POLG: variants seen among roughly 807,000 people sequenced by gnomAD.
POLG encodes DNA polymerase subunit gamma-1.
Under a neutral mutation model 155.4 loss-of-function variants are expected in POLG, and 110 were observed. The ratio of observed to expected loss-of-function variants is 0.71; its 90% confidence interval spans 0.61 to 0.83. POLG has a LOEUF of 0.83. Among genes scored for constraint, POLG ranks in the 40% least tolerant of loss-of-function variants. The pLI is 0.00. For synonymous variants in POLG, 701 were observed against 631.5 expected (o/e 1.11, Z -1.65); for missense variants, 1,685 against 1,627.5 (o/e 1.04, Z -0.61).
At chr15:89,324,278 CTG>C (rs1567188764) in intron 10 of POLG, 51 bp from the exon 11 acceptor site, 1 of 1,602,160 alleles carries the variant, frequency 6.2e-7, no homozygotes, top group Non-Finnish European at 8.5e-7. Context: ...GATGCCCACT[CTG>C]GGCCAGGCAG....
Position 89,321,861 on chromosome 15 carries a change from G to C in POLG, c.2481-8C>G, listed in dbSNP as rs1274486089. 8 of 1,611,964 alleles carry C rather than the reference G, an allele frequency of 5.0e-6. No individual in the cohort carries two copies. Among genetic ancestry groups the C allele is most frequent in the Non-Finnish European group, 6.8e-6 (8 of 1,178,184 alleles). On this transcript the variant is annotated splice_region_variant and splice_polypyrimidine_tract_variant and intron_variant, in intron 15 of 22. Coordinates refer to ENST00000268124, the MANE Select transcript of POLG (RefSeq NM_002693.3). ...TCATCATAGTCGGGGTGCCTGGTGG[G>C]GTGCAGGGGAAGGAAATGGGTCTTA...
intron 18 of POLG, 26 bp downstream of exon 18, chr15:89,320,740 A>G (rs1211992216): frequency 1.2e-6 from 2 of 1,611,444 alleles, no homozygotes; most frequent in East Asian, 2.2e-5. Context: ...CCTGGGTGTT[A>G]AAGTGGATGG....
In POLG at chr15:89,330,113, G is replaced by C; in HGVS notation, c.823C>G (p.Arg275Gly). ...LVVGHNVSFDRAHIREQYLIQ... is the reference protein window; with the variant it reads ...LVVGHNVSFDGAHIREQYLIQ... ...AGGTACTGCTCCCTGATATGAGCTC[G>C]GTCAAAGGAAACATTGTGCCCCACC... The change falls in exon 3 of 23, where the codon CGA becomes GGA. Residue 275 changes from arginine (R) to glycine (G), a missense_variant. Physicochemically the swap from Arg to Gly is moderately radical, Grantham distance 125. Coordinates refer to ENST00000268124, the MANE Select transcript of POLG (RefSeq NM_002693.3). The C allele has an allele frequency of 6.2e-7, 1 of 1,614,084 alleles. No homozygotes were observed.
intron 10 of POLG, 114 bp downstream of exon 10, chr15:89,325,336 C>A: frequency 1.4e-6 from 1 of 723,504 alleles, no homozygotes; most frequent in Admixed American, 2.1e-5. Context: ...CCTGTTTTCC[C>A]TTCTTCTGAA....
At chr15:89,329,597 T>A (rs868251868) in intron 3 of POLG, among the ~76,000 whole-genome samples, 4 of 152,162 alleles carry the variant, frequency 2.6e-5, no homozygotes, top group African/African-American at 9.7e-5. Context: ...GAAAAAACAC[T>A]TTTCATAAAA....
At chr15:89,318,837 TG>T in intron 20 of POLG, 88 bp from the exon 21 acceptor site, 1 of 1,566,782 alleles carries the variant, frequency 6.4e-7, no homozygotes, top group Non-Finnish European at 8.8e-7. Context: ...AGCTTCACTC[TG>T]GCCCTACCTA....
rs371189501 is a variant in POLG at position 89,323,397 on chromosome 15, G to A, written c.2265+7C>T. The stretch of plus-strand genomic sequence containing the variant: ...CACCACAGGACAGGCCATGACCCAG[G>A]ACACACCTTGTGAGGCAGCTTGAAA... On this transcript the variant is annotated splice_region_variant and intron_variant, in intron 13 of 22. Coordinates refer to ENST00000268124, the MANE Select transcript of POLG (RefSeq NM_002693.3). The A allele has an allele frequency of 3.2e-6, 5 of 1,586,552 alleles. No homozygotes were observed. Among genetic ancestry groups the A allele is most frequent in the Non-Finnish European group, 4.3e-6 (5 of 1,155,070 alleles).
In POLG at chr15:89,333,881, G is replaced by C; in HGVS notation, c.-127C>G. On this transcript the variant is annotated 5_prime_UTR_variant, in exon 2 of 23. Transcript: ENST00000268124. ...GTCTCTGCTCTCCTGTCAGTGAAAT[G>C]GGTTTGACCATGCCTGCCTTCCACC... The C allele has an allele frequency of 8.5e-7, 1 of 1,174,740 alleles. No individual in the cohort carries two copies. The highest frequency in any genetic ancestry group is 1.2e-6 in the Non-Finnish European group (1 of 826,784). The allele number at this position is 1,174,740 out of a possible 1,614,324, so 72.8% of individuals were successfully genotyped here.
At chr15:89,330,345 C>T in intron 2 of POLG, 69 bp from the exon 3 acceptor site, 1 of 1,195,630 alleles carries the variant, frequency 8.4e-7, no homozygotes, top group Non-Finnish European at 1.2e-6. Context: ...ACAACCACTG[C>T]ACACCTACCG....
At chr15:89,323,662 T>C (rs1202963917) in intron 12 of POLG, 151 bp from the exon 13 acceptor site, 12 of 821,508 alleles carry the variant, frequency 1.5e-5, no homozygotes, top group South Asian at 2.8e-5. Context: ...GCTTTCTCCT[T>C]GCTCCAACAC....
intron 9 of POLG, 30 bp downstream of exon 9, chr15:89,326,582 G>A: frequency 6.2e-7 from 1 of 1,611,590 alleles, no homozygotes. Flanking sequence ...GTAGACTCTA[G>A]ATACACTGCT....
At position 89,318,720 on chromosome 15, in the gene POLG, T is replaced by G. The variant is rs540638961; in HGVS notation, c.3303A>C (p.Val1101=). The change falls in exon 21 of 23, where the codon GTA becomes GTC. Residue 1101 remains valine, a synonymous_variant. Coordinates refer to ENST00000268124, the MANE Select transcript of POLG (RefSeq NM_002693.3). ...EFMTSRVNWV[V]QSSAVDYLHL... The stretch of plus-strand genomic sequence containing the variant: ...GTAAGTAGTCAACAGCAGAGCTCTG[T>G]ACCACCCAATTCACACGGCTGGTCA... The G allele has an allele frequency of 5.6e-6, 9 of 1,614,054 alleles. No individual in the cohort carries two copies. Among genetic ancestry groups the G allele is most frequent in the Middle Eastern group, 1.6e-4 (1 of 6,062 alleles).
rs2141816053 is a variant in POLG at position 89,333,612 on chromosome 15, T to C, written c.143A>G (p.Gln48Arg). ...GQRRRQQQQQQQQQQQQQPQQ... is the reference protein window; with the variant it reads ...GQRRRQQQQQRQQQQQQQPQQ... ...AGGCTGCTGTTGCTGCTGCTGCTGC[T>C]GCTGCTGCTGCTGCTGCCGCCGCCG... The change falls in exon 2 of 23, where the codon CAG becomes CGG. Residue 48 changes from glutamine to arginine, a missense_variant. By Grantham distance (43) the Gln-to-Arg change is conservative. Around this residue, in one of 3 missense-constraint regions of POLG, gnomAD observed 1,210 missense variants for 1,167.1 expected, o/e 1.04. Transcript: ENST00000268124. The C allele has an allele frequency of 1.2e-6, 2 of 1,600,120 alleles. No homozygotes were observed. Among genetic ancestry groups the C allele is most frequent in the Non-Finnish European group, 1.7e-6 (2 of 1,175,496 alleles).
intron 9 of POLG, among the ~76,000 whole-genome samples, chr15:89,326,079 A>G (rs971260239): frequency 2.0e-5 from 3 of 152,162 alleles, no homozygotes; most frequent in African/African-American, 4.8e-5. Flanking sequence ...GCTGTTCACC[A>G]GAGTTGAGCC....
At chr15:89,326,801 ACCC>A (rs1429551319) in intron 8 of POLG, 63 bp from the exon 9 acceptor site, 1 of 1,611,306 alleles carries the variant, frequency 6.2e-7, no homozygotes, top group African/African-American at 1.3e-5. Flanking sequence ...ATCTGCTCCC[ACCC>A]GCTCATCTCC....
Position 89,319,060 on chromosome 15 carries a change from T to A in POLG, c.3144A>T (p.Ala1048=). Residue 1048 remains alanine (A), a synonymous_variant, in exon 20 of 23, where the codon GCA becomes GCT. Coordinates refer to ENST00000268124, the MANE Select transcript of POLG (RefSeq NM_002693.3). ...TTTCTGACTCTGTGCCCCCCTTCCATGCCCGTTCAGCAACCACCTCCCACT... is the reference window on the plus strand; with the variant it reads ...TTTCTGACTCTGTGCCCCCCTTCCAAGCCCGTTCAGCAACCACCTCCCACT... The part of the protein sequence containing the change: ...WKKWEVVAER[A]WKGGTESEMF... 1 of 1,614,124 alleles carries A rather than the reference T, an allele frequency of 6.2e-7. No individual in the cohort carries two copies. The highest frequency in any genetic ancestry group is 8.5e-7 in the Non-Finnish European group (1 of 1,179,990).
At chr15:89,329,603 T>A (rs1022074139) in intron 3 of POLG, among the ~76,000 whole-genome samples, 2 of 152,224 alleles carry the variant, frequency 1.3e-5, no homozygotes, top group African/African-American at 4.8e-5. Flanking sequence ...ACACTTTTCA[T>A]AAAATTAAGA....
chr15:89,325,065 T>TGAGAGAGAGA lies in POLG; in HGVS notation c.1949+384_1949+385insTCTCTCTCTC, dbSNP rs1555453288. On this transcript the variant is annotated intron_variant, in intron 10 of 22. Coordinates refer to ENST00000268124, the MANE Select transcript of POLG (RefSeq NM_002693.3). Reference sequence around the variant, plus strand: ...GTGAGTGAGTGAGTGAGAGAGTGAGTGAGTGAGTGAGTGAGTGAGAGAGTG... The same window carrying TGAGAGAGAGA: ...GTGAGTGAGTGAGTGAGAGAGTGAGTGAGAGAGAGAGAGTGAGTGAGTGAGTGAGAGAGTG... 8.0e-5 allele frequency among the ~76,000 whole-genome samples: 7 copies of TGAGAGAGAGA among 87,964 alleles called. 1 individual carries two copies. The highest frequency in any genetic ancestry group is 3.4e-4 in the African/African-American group (6 of 17,538). The allele number at this position is 87,964 out of a possible 152,430, so 57.7% of individuals were successfully genotyped here.
Position 89,316,422 on chromosome 15 carries a change from A to G in POLG, c.*329T>C. 6.2e-7 allele frequency: 1 copy of G among 1,611,998 alleles called. No individual in the cohort carries two copies. The highest frequency in any genetic ancestry group is 8.5e-7 in the Non-Finnish European group (1 of 1,178,704). On this transcript the variant is annotated 3_prime_UTR_variant, in exon 23 of 23. Coordinates refer to ENST00000268124, the MANE Select transcript of POLG (RefSeq NM_002693.3). ...GGCACTGCATCAGAGCATGGGGGAC[A>G]GAACAAAGAACCAGCCAAGAAGAAA...
Sources: allele counts gnomAD v4.1 joint callset (sites outside exome capture counted in the v4.1 genomes callset), GRCh38; gene constraint gnomAD v4.1.1; regional missense constraint gnomAD v4.1.1; transcripts MANE v1.5; gene names NCBI Gene and HGNC (gene_info 2026-07-23, HGNC 2026-07-21).